TG: variants seen among roughly 807,000 people sequenced by gnomAD.
TG encodes thyroid hormones.
Under a neutral mutation model 324.7 loss-of-function variants are expected in TG, and 270 were observed. The ratio of observed to expected loss-of-function variants is 0.83; its 90% CI spans 0.75 to 0.92. The LOEUF (loss-of-function observed/expected upper bound fraction) is 0.92. Ranked by LOEUF, TG falls within the 40% of genes least tolerant of loss-of-function variation. The pLI, the probability that TG is intolerant of heterozygous loss-of-function variation, is 0.00. For synonymous variants in TG, 1,401 were observed against 1,327.0 expected, an observed-to-expected ratio of 1.06 and a Z score of -1.21; for missense variants, 3,591 against 3,456.4, an observed-to-expected ratio of 1.04 and a Z score of -0.98.
intron 41 of TG, among the ~76,000 whole-genome samples, chr8:133,055,347 A>ACG (rs1564126079): frequency 7.5e-4 from 65 of 86,178 alleles, no homozygotes; most frequent in Non-Finnish European, 9.2e-4. Flanking sequence ...CATCTTCAGG[A>ACG]CACACACACG....
chr8:133,044,294 T>C (rs1227061785), intron 41 of TG, among the ~76,000 whole-genome samples: 6 of 152,138 alleles, frequency 3.9e-5, no homozygotes, highest in Non-Finnish European at 7.4e-5. Context: ...GGCAGTATCC[T>C]ACACTCTTCC....
intron 20 of TG, 92 bp from the exon 21 acceptor site, chr8:132,919,284 G>A (rs1820799671): frequency 1.2e-5 from 16 of 1,370,192 alleles, no homozygotes; most frequent in Non-Finnish European, 1.6e-5. Context: ...TCTTGAACTG[G>A]TTTGAGGATT....
At position 132,893,506 on chromosome 8, in the gene TG, C is replaced by G. The variant is rs534046848; in HGVS notation, c.2762-184C>G. Among the ~76,000 whole-genome samples the G allele has an allele frequency of 3.0e-4, 17 of 56,714 alleles. 1 individual carries two copies. The East Asian group carries it at 7.3e-3, about 24-fold the overall frequency. 37.2% of individuals were successfully genotyped at this position (56,714 alleles called of 152,430 possible). ...GGTGTGGTGTGTGTGTGGTGTGTAT[C>G]AGTGTGTGTGAGGGGGTGGTGTGTA... On this transcript the variant is annotated intron_variant, in intron 10 of 47. Coordinates refer to ENST00000220616, the MANE Select transcript of TG (RefSeq NM_003235.5).
At chr8:133,047,849 T>C in intron 41 of TG, 2 of 1,602,856 alleles carry the variant, frequency 1.2e-6, no homozygotes, top group East Asian at 2.2e-5. Context: ...TCTCACTCTC[T>C]CTGATCATGA....
intron 41 of TG, among the ~76,000 whole-genome samples, chr8:133,068,130 C>T (rs952936372): frequency 2.6e-5 from 4 of 152,202 alleles, no homozygotes; most frequent in African/African-American, 9.6e-5. Flanking sequence ...TCAACACTCT[C>T]ACAGGACAAG....
chr8:133,046,030 GT>G (rs1389412261), intron 41 of TG, among the ~76,000 whole-genome samples: 1 of 152,198 alleles, frequency 6.6e-6, no homozygotes, highest in Non-Finnish European at 1.5e-5. Flanking sequence ...TGAAAGGCGG[GT>G]TATTGCTCCT....
intron 22 of TG, among the ~76,000 whole-genome samples, chr8:132,928,777 T>C (rs944542498): frequency 7.9e-5 from 12 of 152,200 alleles, no homozygotes; most frequent in Non-Finnish European, 1.6e-4. Context: ...CAGAGAAATA[T>C]AAGTTTATAT....
chr8:133,060,462 G>A lies in TG; in HGVS notation c.7239+30439G>A, dbSNP rs1842210521. 7.8e-6 allele frequency: 9 copies of A among 1,150,216 alleles called. No individual in the cohort carries two copies. The Admixed American group carries it at 8.6e-5, about 11-fold the overall frequency. The allele number at this position is 1,150,216 out of a possible 1,614,324, so 71.3% of individuals were successfully genotyped here. ...TGGTGGCAAAAGTTTCCATTCCTCC[G>A]CACCCTTGCTGAGGATGGTAAGCAG... On this transcript the variant is annotated intron_variant, in intron 41 of 47. Transcript: ENST00000220616.
intron 43 of TG, among the ~76,000 whole-genome samples, chr8:133,099,971 A>G: frequency 6.6e-6 from 1 of 151,974 alleles, no homozygotes; most frequent in South Asian, 2.1e-4. Flanking sequence ...AAGTCAGACC[A>G]TTTTACTCCT....
chr8:132,936,074 G>C (rs1192409641), intron 25 of TG, among the ~76,000 whole-genome samples: 1 of 152,214 alleles, frequency 6.6e-6, no homozygotes, highest in African/African-American at 2.4e-5. Flanking sequence ...GGACTGCAAA[G>C]ATATTTCCAC....
chr8:133,011,820 GGGA>G (rs1834533212), intron 35 of TG, 78 bp from the exon 36 acceptor site: 2 of 1,598,514 alleles, frequency 1.3e-6, no homozygotes, highest in Non-Finnish European at 1.7e-6. Flanking sequence ...GCTGCCTTTG[GGGA>G]TATTGGGTAA....
intron 20 of TG, among the ~76,000 whole-genome samples, chr8:132,913,579 C>T (rs1185025006): frequency 1.3e-5 from 2 of 152,170 alleles, no homozygotes; most frequent in Non-Finnish European, 2.9e-5. Flanking sequence ...GCACATTTCT[C>T]AGTCTGGCTG....
chr8:133,048,219 T>C (rs930382377), intron 41 of TG, among the ~76,000 whole-genome samples: 2 of 152,144 alleles, frequency 1.3e-5, no homozygotes, highest in African/African-American at 2.4e-5. Context: ...CTTCCTTTTA[T>C]TTATGTAATT....
At chr8:133,063,170 C>G (rs1400308013) in intron 41 of TG, among the ~76,000 whole-genome samples, 1 of 151,188 alleles carries the variant, frequency 6.6e-6, no homozygotes, top group African/African-American at 2.5e-5. Flanking sequence ...CCTTCCTGTC[C>G]TTTCAGCCTG....
intron 41 of TG, among the ~76,000 whole-genome samples, chr8:133,055,338 A>G (rs1455529810): frequency 6.7e-6 from 1 of 149,958 alleles, no homozygotes; most frequent in Non-Finnish European, 1.5e-5. Flanking sequence ...TTTCAGTGTC[A>G]TCTTCAGGAC....
chr8:133,008,871 G>A (rs916156669), intron 35 of TG, among the ~76,000 whole-genome samples: 1 of 152,220 alleles, frequency 6.6e-6, no homozygotes, highest in Non-Finnish European at 1.5e-5. Flanking sequence ...ACAAAATGCT[G>A]CCAAGAGCCC....
At chr8:132,980,521 A>G (rs1830696013) in intron 34 of TG, among the ~76,000 whole-genome samples, 1 of 152,108 alleles carries the variant, frequency 6.6e-6, no homozygotes, top group African/African-American at 2.4e-5. Context: ...ATACTTTATA[A>G]TAAAACTTTA....
chr8:133,067,905 AGGAAGGAAG>A (rs1843312623), intron 41 of TG, among the ~76,000 whole-genome samples: 1 of 55,382 alleles, frequency 1.8e-5, no homozygotes, highest in Non-Finnish European at 5.3e-5. Flanking sequence ...GAAGGAAGGA[AGGAAGGAAG>A]GAAAGAGAGA....
At chr8:133,084,150 G>A (rs902896162) in intron 41 of TG, among the ~76,000 whole-genome samples, 7 of 152,190 alleles carry the variant, frequency 4.6e-5, no homozygotes, top group African/African-American at 1.7e-4. Flanking sequence ...ACTGGAGGAA[G>A]GAGGGAGGAA....
Sources: gnomAD v4.1 joint callset for allele counts (sites outside exome capture counted in the v4.1 genomes callset) on GRCh38, gnomAD v4.1.1 for gene constraint, MANE v1.5 for transcripts, NCBI Gene and HGNC (gene_info 2026-07-23, HGNC 2026-07-21) for gene names.